APIP: variants seen among roughly 807,000 people sequenced by gnomAD.
The protein encoded by APIP is APAF1 interacting protein, also known as methylthioribulose-1-phosphate dehydratase.
Under a neutral mutation model 32.0 loss-of-function variants are expected in APIP, and 32 were observed. The ratio of observed to expected loss-of-function variants is 1.00; its 90% CI spans 0.76 to 1.34. APIP has a LOEUF of 1.34. Among genes scored for constraint, APIP ranks in the 40% most tolerant of loss-of-function variants. The probability of loss-of-function intolerance (pLI) is 0.00; values close to 1 mark genes in which losing one functional copy is unlikely to be tolerated. For missense variants in APIP, 247 were observed against 298.6 expected (o/e 0.83, Z 1.27); for synonymous variants, 92 against 94.8 (o/e 0.97, Z 0.17).
intron 1 of APIP, among the ~76,000 whole-genome samples, chr11:34,910,882 A>G (rs530855265): frequency 1.6e-4 from 25 of 152,104 alleles, no homozygotes; most frequent in Admixed American, 3.3e-4. Flanking sequence ...CTGCATGTGG[A>G]AAGAGGAAGA....
chr11:34,884,501 G>T (rs1853025165), intron 5 of APIP, among the ~76,000 whole-genome samples: 1 of 152,140 alleles, frequency 6.6e-6, no homozygotes, highest in Admixed American at 6.5e-5. Flanking sequence ...AAGGCAGATG[G>T]ACTGTTTGAG....
chr11:34,884,440 T>C (rs55672020), intron 5 of APIP, among the ~76,000 whole-genome samples: 33,491 of 152,096 alleles, frequency 0.22, 4,886 homozygotes, highest in Non-Finnish European at 0.34. Context: ...TATCCTTAAC[T>C]ATGGCTAGGT....
chr11:34,910,713 C>T (rs146694695), intron 1 of APIP, among the ~76,000 whole-genome samples: 1 of 152,040 alleles, frequency 6.6e-6, no homozygotes, highest in Non-Finnish European at 1.5e-5. Flanking sequence ...TTTTCTAAAG[C>T]CTTTATATGG....
At position 34,888,827 on chromosome 11, in the gene APIP, T is replaced by G. The variant is rs749688218; in HGVS notation, c.250A>C (p.Ser84Arg). The change falls in exon 4 of 7, where the codon AGT (serine) becomes CGT (arginine). Residue 84 changes from serine to arginine, a missense_variant. Ser to Arg is a moderately radical substitution (Grantham distance 110). Transcript: ENST00000395787. Reference protein sequence around the residue: ...FVCDINEKDISGPSPSKKLKK... With the variant: ...FVCDINEKDIRGPSPSKKLKK... The stretch of plus-strand genomic sequence containing the variant: ...AGCTTCTTCGATGGCGAAGGTCCAC[T>G]TATGTCCTTTTCATTTATATCACAA... 6.6e-7 allele frequency: 1 copy of G among 1,511,334 alleles called. No individual in the cohort carries two copies. The highest frequency in any genetic ancestry group is 2.7e-5 in the Admixed American group (1 of 36,798). The allele number at this position is 1,511,334 out of a possible 1,614,324, so 93.6% of individuals were successfully genotyped here. A position where few individuals can be genotyped will look rare whatever the true frequency, so the allele number is the denominator to read the frequency against.
At chr11:34,911,095 T>C (rs1001811204) in intron 1 of APIP, among the ~76,000 whole-genome samples, 4 of 152,150 alleles carry the variant, frequency 2.6e-5, no homozygotes, top group African/African-American at 9.7e-5. Context: ...AGAATACTTG[T>C]AGACACACTA....
At position 34,882,674 on chromosome 11, in the gene APIP, A is replaced by T; in HGVS notation, c.*43T>A. 1 of 1,361,082 alleles carries T rather than the reference A, an allele frequency of 7.3e-7. No homozygotes were observed. The highest frequency in any genetic ancestry group is 1.0e-6 in the Non-Finnish European group (1 of 984,054). 84.3% of individuals were successfully genotyped at this position (1,361,082 alleles called of 1,614,324 possible). A position where few individuals can be genotyped will look rare whatever the true frequency, so the allele number is the denominator to read the frequency against. ...AATAGCTTTCATTTAAATAATAATT[A>T]CGTTTAGCTTTATCTCTGTATATAA... On this transcript the variant is annotated 3_prime_UTR_variant, in exon 7 of 7. Coordinates refer to ENST00000395787, the MANE Select transcript of APIP (RefSeq NM_015957.4).
intron 1 of APIP, among the ~76,000 whole-genome samples, chr11:34,913,444 G>A (rs962027434): frequency 7.9e-5 from 12 of 152,072 alleles, no homozygotes; most frequent in Non-Finnish European, 1.3e-4. Context: ...TCGTGGTCTT[G>A]CTGACTTCAG....
intron 1 of APIP, among the ~76,000 whole-genome samples, chr11:34,903,310 T>C (rs1227435247): frequency 6.6e-6 from 1 of 152,012 alleles, no homozygotes; most frequent in Non-Finnish European, 1.5e-5. Context: ...GAACAAGGAG[T>C]ATGCATATGC....
chr11:34,906,139 G>C (rs74522193), intron 1 of APIP, among the ~76,000 whole-genome samples: 1 of 151,660 alleles, frequency 6.6e-6, no homozygotes, highest in Non-Finnish European at 1.5e-5. Context: ...CCACAATTTA[G>C]AACTGTCTCT....
At position 34,916,321 on chromosome 11, in the gene APIP, G is replaced by A; in HGVS notation, c.-37C>T. ...GGGACCCGCGCGGCCTCCAATCTCC[G>A]CACGGCTTTGCGCGCGGCGCTTAGC... On this transcript the variant is annotated 5_prime_UTR_variant, in exon 1 of 7. Transcript: ENST00000395787. The A allele has an allele frequency of 6.2e-7, 1 of 1,607,296 alleles. No homozygotes were observed. The highest frequency in any genetic ancestry group is 8.5e-7 in the Non-Finnish European group (1 of 1,177,104).
intron 2 of APIP, among the ~76,000 whole-genome samples, chr11:34,891,608 G>T (rs1189727629): frequency 6.6e-6 from 1 of 152,088 alleles, no homozygotes; most frequent in African/African-American, 2.4e-5. Context: ...GCTTGGAACC[G>T]ATAAAAATCT....
intron 1 of APIP, among the ~76,000 whole-genome samples, chr11:34,910,478 T>A (rs974633882): frequency 2.6e-5 from 4 of 152,030 alleles, no homozygotes; most frequent in Admixed American, 6.6e-5. Context: ...ACGGGTAACA[T>A]GAGGAGACAG....
intron 1 of APIP, among the ~76,000 whole-genome samples, chr11:34,910,816 G>C (rs1853535552): frequency 6.6e-6 from 1 of 152,142 alleles, no homozygotes; most frequent in Non-Finnish European, 1.5e-5. Flanking sequence ...GGCAGAGCCA[G>C]AATTTGAACC....
chr11:34,884,723 C>CAA (rs3044736), intron 5 of APIP, among the ~76,000 whole-genome samples: 55,196 of 137,158 alleles, frequency 0.4, 10,498 homozygotes, highest in East Asian at 0.74. Context: ...GACTTAGTCT[C>CAA]AAAAAAAAAA....
rs552167973 is a variant in APIP, at chr11:34,896,667, C to T, written c.58-1557G>A. The T allele has an allele frequency of 1.0e-4, 78 of 778,424 alleles. 1 individual carries two copies. The Middle Eastern group carries it at 1.7e-3, about 17-fold the overall frequency. The allele number at this position is 778,424 out of a possible 1,614,324, so 48.2% of individuals were successfully genotyped here. A position where few individuals can be genotyped will look rare whatever the true frequency, so the allele number is the denominator to read the frequency against. On this transcript the variant is annotated intron_variant, in intron 1 of 6. Transcript: ENST00000395787. Reference sequence around the variant, plus strand: ...AGCAAACCACCATGGCACGTGTATACCTAAGTAACAAACCTGTAAGTTCTG... The same window carrying T: ...AGCAAACCACCATGGCACGTGTATATCTAAGTAACAAACCTGTAAGTTCTG...
chr11:34,910,651 T>C (rs932648279), intron 1 of APIP, among the ~76,000 whole-genome samples: 2 of 152,212 alleles, frequency 1.3e-5, no homozygotes, highest in African/African-American at 4.8e-5. Context: ...ATACCACTGA[T>C]AATAAGAATT....
intron 1 of APIP, 77 bp downstream of exon 1, chr11:34,916,149 CTG>C: frequency 1.9e-6 from 3 of 1,543,020 alleles, no homozygotes; most frequent in African/African-American, 1.4e-5. Context: ...GCCCGCTACC[CTG>C]CGCCCAGCTC....
chr11:34,905,187 A>G (rs1246828174), intron 1 of APIP, among the ~76,000 whole-genome samples: 1 of 152,218 alleles, frequency 6.6e-6, no homozygotes, highest in Non-Finnish European at 1.5e-5. Context: ...CAGTTATGAA[A>G]AGGAAGTAAA....
chr11:34,896,948 CTTCA>C, intron 1 of APIP: 5 of 496,916 alleles, frequency 1.0e-5, no homozygotes, highest in Non-Finnish European at 1.0e-5. Context: ...TGAGGTCTAC[CTTCA>C]AGGTAACAGT....
Sources: gnomAD v4.1 joint callset for allele counts (sites outside exome capture counted in the v4.1 genomes callset) on GRCh38, gnomAD v4.1.1 for gene constraint, MANE v1.5 for transcripts, NCBI Gene and HGNC (gene_info 2026-07-23, HGNC 2026-07-21) for gene names.